The following PXDN variants were observed in gnomAD, a reference collection of about 807,000 sequenced individuals.
PXDN encodes the protein peroxidasin.
A neutral mutation model predicts 140.3 loss-of-function variants in PXDN; 77 were observed. The ratio of observed to expected loss-of-function variants is 0.55; its 90% CI spans 0.46 to 0.66. The LOEUF (loss-of-function observed/expected upper bound fraction) is 0.66. Among genes scored for constraint, PXDN ranks in the 30% least tolerant of loss-of-function variants. PXDN has a pLI of 0.00. For missense variants in PXDN, 1,838 were observed against 2,039.5 expected, an observed-to-expected ratio of 0.90 and a Z score of 1.90; for synonymous variants, 911 against 857.4, an observed-to-expected ratio of 1.06 and a Z score of -1.09.
At chr2:1,739,091 G>C (rs1685481216) in intron 1 of PXDN, among the ~76,000 whole-genome samples, 1 of 152,138 alleles carries the variant, frequency 6.6e-6, no homozygotes, top group South Asian at 2.1e-4. Flanking sequence ...GCCCCGGAAG[G>C]TAGTCATGCG....
At chr2:1,736,824 C>T (rs764234173) in intron 1 of PXDN, among the ~76,000 whole-genome samples, 11 of 152,080 alleles carry the variant, frequency 7.2e-5, no homozygotes. Context: ...AAGTATGTGC[C>T]CTTTTAAAAT....
intron 1 of PXDN, among the ~76,000 whole-genome samples, chr2:1,723,461 C>T (rs1685099989): frequency 6.6e-6 from 1 of 151,804 alleles, no homozygotes; most frequent in Admixed American, 6.6e-5. Flanking sequence ...GATGAATGGA[C>T]AGATGGATGA....
intron 9 of PXDN, among the ~76,000 whole-genome samples, chr2:1,667,565 C>G (rs559060913): frequency 1.3e-5 from 2 of 152,126 alleles, no homozygotes; most frequent in Non-Finnish European, 2.9e-5. Flanking sequence ...AACATCTCAG[C>G]CCCAAAACTC....
At chr2:1,644,540 C>T in intron 18 of PXDN, 78 bp downstream of exon 18, 4 of 1,425,344 alleles carry the variant, frequency 2.8e-6, no homozygotes, top group Non-Finnish European at 3.7e-6. Context: ...TCAGTCTCAA[C>T]CAGGACAGCT....
At chr2:1,683,820 T>TA in intron 5 of PXDN, 93 bp from the exon 6 acceptor site, 6 of 1,027,456 alleles carry the variant, frequency 5.8e-6, no homozygotes, top group South Asian at 3.2e-5. Flanking sequence ...ATATCAGCTT[T>TA]AAAAAAATCT....
intron 1 of PXDN, among the ~76,000 whole-genome samples, chr2:1,717,221 T>C (rs1572188571): frequency 6.6e-6 from 1 of 152,244 alleles, no homozygotes. Context: ...AAAAGCCTGC[T>C]TGGCTGGTGA....
rs1553359699 is a variant in PXDN at position 1,658,083 on chromosome 2, T to TCTCCCC, written c.1837+2797_1837+2798insGGGGAG. Among the ~76,000 whole-genome samples, 448 of 77,746 alleles carry TCTCCCC rather than the reference T, an allele frequency of 5.8e-3. 97 individuals carry two copies. Among genetic ancestry groups the TCTCCCC allele is most frequent in the African/African-American group, 0.022 (393 of 17,572 alleles). The allele number at this position is 77,746 out of a possible 152,430, so 51.0% of individuals were successfully genotyped here. On this transcript the variant is annotated intron_variant, in intron 14 of 22. Transcript: ENST00000252804. ...CTCTCTCTCTCTCTCTCTCTCTCTC[T>TCTCCCC]CTCTCTCTCTGTTACAGTGTCTGCG...
chr2:1,684,601 G>C (rs771167978), intron 4 of PXDN, among the ~76,000 whole-genome samples: 87 of 152,280 alleles, frequency 5.7e-4, no homozygotes, highest in South Asian at 2.5e-3. Flanking sequence ...TTGACACAGA[G>C]TATATTATCA....
intron 1 of PXDN, among the ~76,000 whole-genome samples, chr2:1,734,664 T>C (rs952936358): frequency 2.0e-5 from 3 of 152,268 alleles, no homozygotes; most frequent in Admixed American, 6.5e-5. Context: ...GTCAAGAGAC[T>C]GAGACTGTTC....
rs866385720 is a variant in PXDN, at chr2:1,658,041, T to G, written c.1837+2840A>C. The stretch of plus-strand genomic sequence containing the variant: ...TTCAGCTGTGGGCTCTCTCTCTCTC[T>G]CTCTCTCTCTCTCTCTCTCTCTCTC... On this transcript the variant is annotated intron_variant, in intron 14 of 22. Coordinates refer to ENST00000252804, the MANE Select transcript of PXDN (RefSeq NM_012293.3). Among the ~76,000 whole-genome samples the G allele has an allele frequency of 6.5e-3, 500 of 77,126 alleles. 1 individual carries two copies. The highest frequency in any genetic ancestry group is 0.035 in the African/African-American group (480 of 13,770). The allele number at this position is 77,126 out of a possible 152,430, so 50.6% of individuals were successfully genotyped here.
intron 9 of PXDN, among the ~76,000 whole-genome samples, chr2:1,671,724 T>G (rs780515711): frequency 1.2e-4 from 19 of 152,218 alleles, no homozygotes; most frequent in Non-Finnish European, 2.4e-4. Flanking sequence ...CGTCACTCTA[T>G]TCCTATTACT....
chr2:1,644,004 A>G (rs955447930), intron 18 of PXDN, among the ~76,000 whole-genome samples: 1 of 134,158 alleles, frequency 7.5e-6, no homozygotes, highest in Admixed American at 8.6e-5. Flanking sequence ...CCCGGGAGGC[A>G]GAGCTTGCAG....
intron 21 of PXDN, 44 bp from the exon 22 acceptor site, chr2:1,635,565 T>A: frequency 1.5e-6 from 2 of 1,374,914 alleles, no homozygotes; most frequent in Non-Finnish European, 2.0e-6. Flanking sequence ...CACTTCAGAG[T>A]AACAGCTTGG....
chr2:1,715,224 G>A (rs1397463438), intron 1 of PXDN, among the ~76,000 whole-genome samples: 8 of 152,152 alleles, frequency 5.3e-5, no homozygotes, highest in Non-Finnish European at 8.8e-5. Flanking sequence ...CCGGGGTTAA[G>A]GGCAAGGACA....
At chr2:1,733,899 A>G (rs987278362) in intron 1 of PXDN, among the ~76,000 whole-genome samples, 5 of 152,232 alleles carry the variant, frequency 3.3e-5, no homozygotes, top group African/African-American at 9.6e-5. Context: ...GAGCTGCACT[A>G]TAAGACATTT....
In PXDN at chr2:1,662,663, G is replaced by A. The variant is rs139492780; in HGVS notation, c.1568-479C>T. Among the ~76,000 whole-genome samples, 364 of 152,322 alleles carry A rather than the reference G, an allele frequency of 2.4e-3. 2 individuals carry two copies. Among genetic ancestry groups the A allele is most frequent in the South Asian group, 0.013 (61 of 4,826 alleles). On this transcript the variant is annotated intron_variant, in intron 12 of 22. Coordinates refer to ENST00000252804, the MANE Select transcript of PXDN (RefSeq NM_012293.3). ...GCTGAGTGCTGGGATCTGGGGAGCCGTTCAGGAATCCCACCCCCGCATTCT... is the reference window on the plus strand; with the variant it reads ...GCTGAGTGCTGGGATCTGGGGAGCCATTCAGGAATCCCACCCCCGCATTCT...
At chr2:1,727,495 C>T (rs1430947417) in intron 1 of PXDN, among the ~76,000 whole-genome samples, 1 of 152,234 alleles carries the variant, frequency 6.6e-6, no homozygotes, top group African/African-American at 2.4e-5. Flanking sequence ...GGGGTGCGGT[C>T]ACGTCCTCAA....
chr2:1,731,152 G>GCACACACACA (rs72079011), intron 1 of PXDN, among the ~76,000 whole-genome samples: 11 of 135,968 alleles, frequency 8.1e-5, no homozygotes, highest in Admixed American at 2.8e-4. Context: ...GAGCGCGCGC[G>GCACACACACA]CACACACACA....
intron 3 of PXDN, among the ~76,000 whole-genome samples, chr2:1,688,794 A>T (rs1201928561): frequency 6.6e-6 from 1 of 152,060 alleles, no homozygotes; most frequent in African/African-American, 2.4e-5. Flanking sequence ...GGTTTCACCT[A>T]CTCGTTCCAC....
Sources: gnomAD v4.1 joint callset for allele counts (sites outside exome capture counted in the v4.1 genomes callset) on GRCh38, gnomAD v4.1.1 for gene constraint, MANE v1.5 for transcripts, NCBI Gene and HGNC (gene_info 2026-07-23, HGNC 2026-07-21) for gene names.